The following RANBP2 variants were observed in gnomAD, a reference collection of about 807,000 sequenced individuals.
The protein encoded by RANBP2 is RAN binding protein 2.
In RANBP2, 57 loss-of-function variants were observed where a neutral mutation model predicts 303.6. The ratio of observed to expected loss-of-function variants is 0.19; its 90% confidence interval spans 0.15 to 0.23. The LOEUF (loss-of-function observed/expected upper bound fraction) is 0.23, where lower values mean the gene tolerates loss of function less well. Ranked by LOEUF, RANBP2 falls within the 10% of genes least tolerant of loss-of-function variation. RANBP2 has a pLI of 1.00. For missense variants in RANBP2, 3,138 were observed against 3,780.8 expected (o/e 0.83, Z 4.46); for synonymous variants, 1,167 against 1,301.5 (o/e 0.90, Z 2.23).
At chr2:109,007,426 T>G in the RANBP2 span, among the ~76,000 whole-genome samples, 1 of 152,382 alleles carries the variant, frequency 6.6e-6, no homozygotes, top group South Asian at 2.1e-4. Flanking sequence ...AAACAACATG[T>G]ACCTATAGCT....
chr2:109,369,917 GAGGCTCCTTGGAA>G, the RANBP2 span, among the ~76,000 whole-genome samples: 1 of 152,220 alleles, frequency 6.6e-6, no homozygotes, highest in African/African-American at 2.4e-5. Flanking sequence ...TACAGCATCA[GAGGCTCCTTGGAA>G]AGGCGGGTGG....
the RANBP2 span, among the ~76,000 whole-genome samples, chr2:109,189,731 G>A: frequency 1.3e-5 from 2 of 152,096 alleles, no homozygotes; most frequent in Admixed American, 6.5e-5. Flanking sequence ...ATAGCTTTTA[G>A]GTTTGCATCA....
intron 7 of RANBP2, among the ~76,000 whole-genome samples, chr2:108,742,723 G>A (rs1696211780): frequency 6.6e-6 from 1 of 152,184 alleles, no homozygotes. Flanking sequence ...GATTTAGTGA[G>A]GTTCACTAGG....
the RANBP2 span, among the ~76,000 whole-genome samples, chr2:109,452,967 C>G: frequency 3.3e-5 from 5 of 149,932 alleles, no homozygotes. Flanking sequence ...CCCTGGGAGG[C>G]TGGTCCCTGG....
the RANBP2 span, chr2:108,910,329 T>C: frequency 1.3e-4 from 98 of 731,014 alleles, no homozygotes; most frequent in Admixed American, 2.2e-4. Context: ...TGGTGGGGAC[T>C]GTCTGTCGCC....
the RANBP2 span, among the ~76,000 whole-genome samples, chr2:108,822,274 A>G: frequency 6.6e-6 from 1 of 152,248 alleles, no homozygotes; most frequent in African/African-American, 2.4e-5. Flanking sequence ...AGAAATATTT[A>G]TGCCCTGAAA....
the RANBP2 span, among the ~76,000 whole-genome samples, chr2:109,099,577 G>A: frequency 6.6e-6 from 1 of 151,944 alleles, no homozygotes; most frequent in Admixed American, 6.6e-5. Context: ...TTTCTCTGAG[G>A]TCCCCTTGAC....
the RANBP2 span, among the ~76,000 whole-genome samples, chr2:109,370,302 C>T: frequency 8.6e-5 from 13 of 151,604 alleles, no homozygotes; most frequent in South Asian, 6.3e-4. Context: ...TGCAGAGGTA[C>T]GATCTCGGCT....
the RANBP2 span, among the ~76,000 whole-genome samples, chr2:109,627,734 T>G: frequency 5.9e-5 from 9 of 152,346 alleles, no homozygotes; most frequent in African/African-American, 2.2e-4. Context: ...TTTCTGTATA[T>G]CCACACAAAT....
At chr2:109,441,104 A>T in the RANBP2 span, among the ~76,000 whole-genome samples, 3 of 148,512 alleles carry the variant, frequency 2.0e-5, no homozygotes, top group Non-Finnish European at 4.4e-5. Context: ...TTGTCCCAGA[A>T]CAAAGCTTAA....
At chr2:109,228,960 G>A in the RANBP2 span, among the ~76,000 whole-genome samples, 1 of 152,166 alleles carries the variant, frequency 6.6e-6, no homozygotes, top group Admixed American at 6.5e-5. Context: ...TTCTGGTCAT[G>A]GCTAGGTCTT....
At chr2:109,556,210 G>A in the RANBP2 span, among the ~76,000 whole-genome samples, 1 of 152,136 alleles carries the variant, frequency 6.6e-6, no homozygotes, top group East Asian at 1.9e-4. Context: ...GGTATAATAA[G>A]CCTTCTTATA....
chr2:109,778,545 C>CTTGG, the RANBP2 span, among the ~76,000 whole-genome samples: 4 of 149,578 alleles, frequency 2.7e-5, no homozygotes, highest in African/African-American at 1.0e-4. Context: ...GTAGAATAAC[C>CTTGG]TTGGTAATAG....
At chr2:109,012,965 A>G in the RANBP2 span, among the ~76,000 whole-genome samples, 1 of 152,174 alleles carries the variant, frequency 6.6e-6, no homozygotes, top group Non-Finnish European at 1.5e-5. Context: ...AACTTTGTAT[A>G]TTCCGGAGGA....
the RANBP2 span, among the ~76,000 whole-genome samples, chr2:109,561,447 A>G: frequency 6.6e-6 from 1 of 152,152 alleles, no homozygotes; most frequent in Admixed American, 6.5e-5. Context: ...ACTCCCCTAC[A>G]AGAACATAAA....
chr2:109,035,036 A>G, the RANBP2 span, among the ~76,000 whole-genome samples: 871 of 152,280 alleles, frequency 5.7e-3, 9 homozygotes, highest in African/African-American at 0.019. Flanking sequence ...CTGGAGAGCT[A>G]TCCCTGGTTT....
the RANBP2 span, among the ~76,000 whole-genome samples, chr2:108,806,072 C>T: frequency 6.6e-6 from 1 of 152,308 alleles, no homozygotes; most frequent in Non-Finnish European, 1.5e-5. Flanking sequence ...TTAATCTCTA[C>T]TTGTTGTGAT....
In RANBP2 at chr2:108,782,153, ATGAAGAAATTT is replaced by A; in HGVS notation, c.8789_8799del (p.Glu2930ValfsTer2). 6.2e-7 allele frequency: 1 copy of A among 1,614,128 alleles called. No individual in the cohort carries two copies. The highest frequency in any genetic ancestry group is 8.5e-7 in the Non-Finnish European group (1 of 1,179,998). On this transcript the variant is annotated frameshift_variant, in exon 27 of 29. Coordinates refer to ENST00000283195, the MANE Select transcript of RANBP2 (RefSeq NM_006267.5). LOFTEE classifies it high-confidence loss of function. ...GTAGAAGTAAAATCTGGAGAAGAAG[ATGAAGAAATTT>A]TGTTTAAAGAGAGAGCCAAACTTTA...
chr2:109,261,318 G>A, the RANBP2 span, among the ~76,000 whole-genome samples: 3 of 152,162 alleles, frequency 2.0e-5, no homozygotes, highest in East Asian at 1.9e-4. Flanking sequence ...GCCTTGATCC[G>A]CACACTGTGC....
Sources: gnomAD v4.1 joint callset for allele counts (sites outside exome capture counted in the v4.1 genomes callset) on GRCh38, gnomAD v4.1.1 for gene constraint, MANE v1.5 for transcripts, NCBI Gene and HGNC (gene_info 2026-07-23, HGNC 2026-07-21) for gene names.